Variants in HS3ST2 observed in about 807,000 individuals in gnomAD.
HS3ST2 encodes the protein heparan sulfate-glucosamine 3-sulfotransferase 2, also known as heparan sulfate glucosamine 3-O-sulfotransferase 2.
In HS3ST2, 17 loss-of-function variants were observed where a neutral mutation model predicts 26.3. The observed-to-expected ratio is 0.65, with a 90% CI of 0.44 to 0.97. The LOEUF (loss-of-function observed/expected upper bound fraction) is 0.97. Among genes scored for constraint, HS3ST2 ranks in the 50% least tolerant of loss-of-function variants. The probability of loss-of-function intolerance (pLI) is 0.00; values close to 1 mark genes in which losing one functional copy is unlikely to be tolerated. For missense variants in HS3ST2, 402 were observed against 501.2 expected, an observed-to-expected ratio of 0.80 and a Z score of 1.89; for synonymous variants, 237 against 219.2, an observed-to-expected ratio of 1.08 and a Z score of -0.72.
intron 1 of HS3ST2, among the ~76,000 whole-genome samples, chr16:22,876,487 A>G (rs1229542547): frequency 6.6e-6 from 1 of 152,216 alleles, no homozygotes; most frequent in African/African-American, 2.4e-5. Context: ...TAAAAAAATT[A>G]AAACATAATA....
intron 1 of HS3ST2, among the ~76,000 whole-genome samples, chr16:22,894,304 G>A (rs1056977806): frequency 2.4e-4 from 37 of 152,258 alleles, no homozygotes; most frequent in Non-Finnish European, 4.6e-4. Context: ...GGGGCTCCCT[G>A]GTTCAATATT....
intron 1 of HS3ST2, chr16:22,854,794 A>G (rs2141187009): frequency 6.6e-6 from 1 of 152,226 alleles, no homozygotes; most frequent in South Asian, 2.1e-4. Flanking sequence ...ATGTGCCACC[A>G]TGCCCAGCTA....
At chr16:22,839,664 C>T (rs1665114270) in intron 1 of HS3ST2, among the ~76,000 whole-genome samples, 1 of 150,914 alleles carries the variant, frequency 6.6e-6, no homozygotes, top group African/African-American at 2.4e-5. Context: ...TCCCCTTTTA[C>T]CTAAAGATTC....
At chr16:22,860,107 T>A (rs574465284) in intron 1 of HS3ST2, among the ~76,000 whole-genome samples, 1 of 152,316 alleles carries the variant, frequency 6.6e-6, no homozygotes, top group South Asian at 2.1e-4. Context: ...TCTTCCCTTG[T>A]ATTAGTCTGT....
intron 1 of HS3ST2, among the ~76,000 whole-genome samples, chr16:22,891,246 C>T (rs1567498060): frequency 6.6e-6 from 1 of 152,154 alleles, no homozygotes; most frequent in African/African-American, 2.4e-5. Flanking sequence ...CAGACAGGTA[C>T]GAGGTTAATC....
At chr16:22,872,139 C>T (rs774793048) in intron 1 of HS3ST2, among the ~76,000 whole-genome samples, 4 of 152,212 alleles carry the variant, frequency 2.6e-5, no homozygotes, top group Non-Finnish European at 4.4e-5. Context: ...GCTCTCTACA[C>T]AGAAGTGGGA....
intron 1 of HS3ST2, among the ~76,000 whole-genome samples, chr16:22,881,467 T>C (rs1389063838): frequency 6.6e-6 from 1 of 151,970 alleles, no homozygotes; most frequent in Non-Finnish European, 1.5e-5. Context: ...CTCCTCTCAG[T>C]CTCCAGAGGG....
At chr16:22,815,682 C>T (rs754946956) in intron 1 of HS3ST2, among the ~76,000 whole-genome samples, 6 of 152,118 alleles carry the variant, frequency 3.9e-5, no homozygotes, top group Non-Finnish European at 5.9e-5. Context: ...GTAGCTCTGG[C>T]CCTGGTAGGT....
chr16:22,827,115 A>G (rs1052534892), intron 1 of HS3ST2, among the ~76,000 whole-genome samples: 1 of 152,108 alleles, frequency 6.6e-6, no homozygotes, highest in Non-Finnish European at 1.5e-5. Flanking sequence ...AGGAGGCAAA[A>G]CATGCTGTGA....
intron 1 of HS3ST2, among the ~76,000 whole-genome samples, chr16:22,867,462 C>T (rs1294105029): frequency 6.6e-6 from 1 of 152,092 alleles, no homozygotes; most frequent in African/African-American, 2.4e-5. Flanking sequence ...TGATATGCAA[C>T]ATATAAAGTC....
chr16:22,913,266 C>G (rs1036636747), intron 1 of HS3ST2, among the ~76,000 whole-genome samples: 2 of 151,736 alleles, frequency 1.3e-5, no homozygotes, highest in East Asian at 3.9e-4. Context: ...CAACTATGAC[C>G]TTCATCAAGA....
At chr16:22,901,544 G>A (rs1415515289) in intron 1 of HS3ST2, among the ~76,000 whole-genome samples, 1 of 152,184 alleles carries the variant, frequency 6.6e-6, no homozygotes, top group African/African-American at 2.4e-5. Context: ...AGGGCAGGGA[G>A]AGAAATTAAG....
Position 22,915,424 on chromosome 16 carries a change from G to A in HS3ST2, c.966G>A (p.Leu322=). The A allele has an allele frequency of 6.2e-7, 1 of 1,613,888 alleles. No individual in the cohort carries two copies. Among genetic ancestry groups the A allele is most frequent in the African/African-American group, 1.3e-5 (1 of 74,936 alleles). The change falls in exon 2 of 2, where the codon CTG becomes CTA. Residue 322 remains leucine (L), a synonymous_variant. Transcript: ENST00000261374. ...TGAAAAAAACAGAATCGAGCCTCCT[G>A]CCTCGATGCTTGGGCAAATCAAAAG... ...PCLKKTESSL[L]PRCLGKSKGR...
At chr16:22,866,142 C>G (rs188736877) in intron 1 of HS3ST2, among the ~76,000 whole-genome samples, 253 of 152,048 alleles carry the variant, frequency 1.7e-3, no homozygotes, top group Middle Eastern at 3.4e-3. Context: ...AAGGTATAGC[C>G]AATGTGACAA....
At chr16:22,884,300 CA>C (rs1902030911) in intron 1 of HS3ST2, among the ~76,000 whole-genome samples, 3 of 152,088 alleles carry the variant, frequency 2.0e-5, no homozygotes, top group Admixed American at 6.5e-5. Context: ...GATAGGAACC[CA>C]AGGAATAGAC....
chr16:22,861,731 C>T (rs1013902742), intron 1 of HS3ST2, among the ~76,000 whole-genome samples: 2 of 152,180 alleles, frequency 1.3e-5, no homozygotes, highest in Non-Finnish European at 2.9e-5. Flanking sequence ...TGGCCTCCGG[C>T]ATCTCATGTG....
At chr16:22,895,571 T>G (rs1278714743) in intron 1 of HS3ST2, among the ~76,000 whole-genome samples, 1 of 152,194 alleles carries the variant, frequency 6.6e-6, no homozygotes, top group East Asian at 1.9e-4. Flanking sequence ...CTCTGTATTC[T>G]GGGGTGGTCG....
At chr16:22,833,323 A>ATTG (rs1901203571) in intron 1 of HS3ST2, 1 of 455,878 alleles carries the variant, frequency 2.2e-6, no homozygotes, top group African/African-American at 2.0e-5. Context: ...CACTTGGGTG[A>ATTG]TTGTGCTGAA....
At chr16:22,891,555 A>G (rs1320054884) in intron 1 of HS3ST2, among the ~76,000 whole-genome samples, 1 of 152,260 alleles carries the variant, frequency 6.6e-6, no homozygotes, top group Non-Finnish European at 1.5e-5. Context: ...GATTAACATT[A>G]CAAAGGATTA....
Sources: gnomAD v4.1 joint callset for allele counts (sites outside exome capture counted in the v4.1 genomes callset) on GRCh38, gnomAD v4.1.1 for gene constraint, MANE v1.5 for transcripts, NCBI Gene and HGNC (gene_info 2026-07-23, HGNC 2026-07-21) for gene names.